Variants in ASCC3 observed in about 807,000 individuals in gnomAD.
ASCC3 encodes the protein activating signal cointegrator 1 complex subunit 3.
In ASCC3, 158 loss-of-function variants were observed where a neutral mutation model predicts 256.3. The ratio of observed to expected loss-of-function variants is 0.62; its 90% CI spans 0.54 to 0.70. The LOEUF is 0.70. Among genes scored for constraint, ASCC3 ranks in the 30% least tolerant of loss-of-function variants. ASCC3 has a pLI of 0.00. For synonymous variants in ASCC3, 948 were observed against 883.4 expected (o/e 1.07, Z -1.30); for missense variants, 2,259 against 2,626.0 (o/e 0.86, Z 3.05).
chr6:100,594,566 T>G (rs1488424468), intron 34 of ASCC3, among the ~76,000 whole-genome samples: 3 of 152,106 alleles, frequency 2.0e-5, no homozygotes, highest in Non-Finnish European at 4.4e-5. Flanking sequence ...GGGGAATCCT[T>G]GTACATGGTT....
intron 34 of ASCC3, among the ~76,000 whole-genome samples, chr6:100,601,305 T>C (rs1772597962): frequency 6.6e-6 from 1 of 152,140 alleles, no homozygotes; most frequent in South Asian, 2.1e-4. Flanking sequence ...TTTTTACATC[T>C]CAGTGTTTAG....
intron 37 of ASCC3, among the ~76,000 whole-genome samples, chr6:100,528,080 C>G (rs1447314451): frequency 6.6e-6 from 1 of 151,944 alleles, no homozygotes; most frequent in East Asian, 1.9e-4. Context: ...CTCAAGTGAT[C>G]CTCCTGCCTC....
At chr6:100,665,195 C>T (rs1776405449) in intron 14 of ASCC3, among the ~76,000 whole-genome samples, 1 of 152,102 alleles carries the variant, frequency 6.6e-6, no homozygotes, top group Admixed American at 6.6e-5. Context: ...TGGCCAGTTT[C>T]ACATTCAACC....
At chr6:100,547,368 T>C (rs922357960) in intron 36 of ASCC3, among the ~76,000 whole-genome samples, 1 of 151,884 alleles carries the variant, frequency 6.6e-6, no homozygotes, top group Non-Finnish European at 1.5e-5. Context: ...AAAAAAATGA[T>C]CAGCTGAACA....
chr6:100,661,970 T>A lies in ASCC3; in HGVS notation c.2539A>T (p.Met847Leu). Residue 847 changes from methionine (M) to leucine (L), a missense_variant, in exon 16 of 42, where the codon ATG (methionine) becomes TTG (leucine). Met to Leu is a conservative substitution (Grantham distance 15, BLOSUM62 2). This residue lies in a region of ASCC3 where 1,839 missense variants were observed against 2,206.7 expected (regional missense o/e 0.83). Transcript: ENST00000369162. ...SFVDLGILDVMQIFGRAGRPQ... is the reference protein window; with the variant it reads ...SFVDLGILDVLQIFGRAGRPQ... ...CGTCCAGCTCGACCAAATATCTGCA[T>A]GACATCTAAAATTCCAAGGTCAACA... The A allele has an allele frequency of 6.2e-7, 1 of 1,613,386 alleles. No individual in the cohort carries two copies. The highest frequency in any genetic ancestry group is 1.1e-5 in the South Asian group (1 of 91,072).
chr6:100,554,640 A>G (rs1375823181), intron 36 of ASCC3, among the ~76,000 whole-genome samples: 1 of 152,194 alleles, frequency 6.6e-6, no homozygotes, highest in Non-Finnish European at 1.5e-5. Flanking sequence ...AGTTTCTCAC[A>G]TTCCACTGCT....
chr6:100,794,748 C>T (rs1769522193), intron 8 of ASCC3, among the ~76,000 whole-genome samples: 1 of 151,926 alleles, frequency 6.6e-6, no homozygotes, highest in Admixed American at 6.6e-5. Context: ...ATATTATATG[C>T]ATCTTTTATA....
chr6:100,691,545 A>C (rs1181232675), intron 13 of ASCC3, among the ~76,000 whole-genome samples: 2 of 151,970 alleles, frequency 1.3e-5, no homozygotes, highest in African/African-American at 4.8e-5. Flanking sequence ...TTAATACTAT[A>C]ATGCTATAAA....
intron 10 of ASCC3, among the ~76,000 whole-genome samples, chr6:100,737,471 T>A (rs941616543): frequency 6.6e-6 from 1 of 152,052 alleles, no homozygotes; most frequent in African/African-American, 2.4e-5. Flanking sequence ...TAAGTGAGAA[T>A]AGGTGGTGTT....
intron 8 of ASCC3, among the ~76,000 whole-genome samples, chr6:100,773,584 A>T (rs1254513770): frequency 6.6e-6 from 1 of 152,186 alleles, no homozygotes; most frequent in Non-Finnish European, 1.5e-5. Context: ...AGACACTCAG[A>T]CAACCCTCTT....
intron 10 of ASCC3, among the ~76,000 whole-genome samples, chr6:100,750,463 A>T (rs1582806922): frequency 6.6e-6 from 1 of 151,966 alleles, no homozygotes; most frequent in Non-Finnish European, 1.5e-5. Context: ...AGAGTGAATT[A>T]TGTCTGCCAA....
intron 37 of ASCC3, among the ~76,000 whole-genome samples, chr6:100,528,852 A>G (rs1045224580): frequency 2.0e-5 from 3 of 152,192 alleles, no homozygotes; most frequent in Non-Finnish European, 4.4e-5. Context: ...TATGAATTCA[A>G]TCTATACTAA....
At chr6:100,630,173 G>A (rs1774463948) in intron 26 of ASCC3, among the ~76,000 whole-genome samples, 1 of 152,052 alleles carries the variant, frequency 6.6e-6, no homozygotes, top group South Asian at 2.1e-4. Flanking sequence ...ACAGGCATGA[G>A]CCACCACGCC....
intron 36 of ASCC3, among the ~76,000 whole-genome samples, chr6:100,550,418 C>T (rs1769230975): frequency 1.3e-5 from 2 of 151,916 alleles, no homozygotes; most frequent in Non-Finnish European, 2.9e-5. Flanking sequence ...AAAGAGAAAC[C>T]TCTGAAAGTG....
At chr6:100,517,477 T>C (rs966538124) in intron 38 of ASCC3, among the ~76,000 whole-genome samples, 6 of 152,150 alleles carry the variant, frequency 3.9e-5, no homozygotes, top group African/African-American at 1.2e-4. Flanking sequence ...ATTTCAGTCA[T>C]GTACATGAGA....
chr6:100,652,577 G>T (rs910464773), intron 18 of ASCC3, 148 bp downstream of exon 18: 3 of 821,578 alleles, frequency 3.7e-6, no homozygotes, highest in Admixed American at 2.7e-5. Context: ...TTTTTTTCTT[G>T]TCTTTACTGA....
intron 11 of ASCC3, among the ~76,000 whole-genome samples, chr6:100,719,707 A>G (rs1464745843): frequency 1.3e-5 from 2 of 151,960 alleles, no homozygotes; most frequent in Admixed American, 6.6e-5. Context: ...ATACCTATTT[A>G]CCTTAAAAGT....
intron 4 of ASCC3, among the ~76,000 whole-genome samples, chr6:100,835,070 T>C (rs949851081): frequency 5.4e-5 from 8 of 149,166 alleles, no homozygotes; most frequent in African/African-American, 2.0e-4. Flanking sequence ...GCCTACCCAA[T>C]AAGCCTTCGA....
chr6:100,658,727 T>C (rs552702495), intron 16 of ASCC3, among the ~76,000 whole-genome samples: 28 of 151,546 alleles, frequency 1.8e-4, no homozygotes, highest in African/African-American at 6.7e-4. Flanking sequence ...TGGAGAGTAA[T>C]TGTAGCCAGA....
Sources: gnomAD v4.1 joint callset for allele counts (sites outside exome capture counted in the v4.1 genomes callset) on GRCh38, gnomAD v4.1.1 for gene constraint, gnomAD v4.1.1 regional missense constraint, MANE v1.5 for transcripts, NCBI Gene and HGNC (gene_info 2026-07-23, HGNC 2026-07-21) for gene names.